Variants in VMP1 observed in about 807,000 individuals in gnomAD.
The protein encoded by VMP1 is vacuole membrane protein 1.
In VMP1, 11 loss-of-function variants were observed where a neutral mutation model predicts 56.0. That is an observed-to-expected ratio of 0.20 (90% CI 0.12 to 0.32). The LOEUF (loss-of-function observed/expected upper bound fraction) is 0.32. Ranked by LOEUF, VMP1 falls within the 10% of genes least tolerant of loss-of-function variation. The pLI is 1.00. For missense variants in VMP1, 296 were observed against 490.3 expected (o/e 0.60, Z 3.74); for synonymous variants, 149 against 165.0 (o/e 0.90, Z 0.74).
intron 7 of VMP1, among the ~76,000 whole-genome samples, chr17:59,802,258 C>T (rs1465342331): frequency 2.0e-5 from 3 of 151,798 alleles, no homozygotes; most frequent in African/African-American, 7.3e-5. Flanking sequence ...CATATACTTA[C>T]ATTGTGTTAC....
intron 8 of VMP1, among the ~76,000 whole-genome samples, chr17:59,809,231 A>C (rs1269274291): frequency 6.6e-6 from 1 of 150,708 alleles, no homozygotes; most frequent in Non-Finnish European, 1.5e-5. Context: ...TCCTGGGCCC[A>C]AGTGATCCAC....
At chr17:59,723,930 C>T (rs2034492056) in intron 1 of VMP1, among the ~76,000 whole-genome samples, 1 of 152,092 alleles carries the variant, frequency 6.6e-6, no homozygotes, top group South Asian at 2.1e-4. Context: ...AAAAATGTAA[C>T]AGGGCTGGAT....
chr17:59,717,105 G>T (rs531538517), intron 1 of VMP1, among the ~76,000 whole-genome samples: 3 of 151,646 alleles, frequency 2.0e-5, no homozygotes, highest in African/African-American at 7.3e-5. Context: ...TCAACCTCCC[G>T]AGTAGCTGGG....
chr17:59,743,727 T>G (rs994076656), intron 5 of VMP1, among the ~76,000 whole-genome samples: 5 of 151,952 alleles, frequency 3.3e-5, no homozygotes, highest in African/African-American at 1.2e-4. Context: ...AACTTGGCTT[T>G]TTTAAGGTTG....
intron 7 of VMP1, among the ~76,000 whole-genome samples, chr17:59,786,263 A>C (rs1041281985): frequency 6.6e-6 from 1 of 152,174 alleles, no homozygotes; most frequent in African/African-American, 2.4e-5. Context: ...TATGTGTTTG[A>C]TCATTTGAGT....
At chr17:59,711,633 C>T (rs2033938172) in intron 1 of VMP1, among the ~76,000 whole-genome samples, 1 of 151,904 alleles carries the variant, frequency 6.6e-6, no homozygotes, top group African/African-American at 2.4e-5. Context: ...TTATGTAGGC[C>T]CTTATATAAA....
chr17:59,782,878 A>G (rs1032343766), intron 7 of VMP1, among the ~76,000 whole-genome samples: 4 of 152,150 alleles, frequency 2.6e-5, no homozygotes, highest in Non-Finnish European at 4.4e-5. Context: ...GTGCTTTCCA[A>G]CTAGGTTAAA....
rs150048841 is a variant in VMP1 at position 59,792,876 on chromosome 17, A to AATT, written c.715-15905_715-15903dup. ...AAAAAATAATAATAATAATAATAAT[A>AATT]ATTATTATTATTATTATCAGATGAG... is the stretch of plus-strand genomic sequence containing the variant. On this transcript the variant is annotated intron_variant, in intron 7 of 11. Transcript: ENST00000262291. Among the ~76,000 whole-genome samples the AATT allele has an allele frequency of 1.9e-4, 15 of 77,156 alleles. 1 individual carries two copies. The highest frequency in any genetic ancestry group is 3.8e-4 in the African/African-American group (12 of 31,664). 50.6% of individuals were successfully genotyped at this position (77,156 alleles called of 152,430 possible).
At chr17:59,826,581 A>G (rs2038652486) in intron 10 of VMP1, among the ~76,000 whole-genome samples, 1 of 152,176 alleles carries the variant, frequency 6.6e-6, no homozygotes, top group Admixed American at 6.5e-5. Context: ...GAAGAAAGGG[A>G]AGGATGTGGG....
intron 7 of VMP1, among the ~76,000 whole-genome samples, chr17:59,789,337 C>G (rs1017796920): frequency 2.0e-5 from 3 of 151,246 alleles, no homozygotes; most frequent in Non-Finnish European, 2.9e-5. Flanking sequence ...GCGGGCGGAA[C>G]CAGTCTGGCC....
intron 10 of VMP1, among the ~76,000 whole-genome samples, chr17:59,823,600 A>G (rs1309694858): frequency 6.6e-6 from 1 of 151,814 alleles, no homozygotes; most frequent in Non-Finnish European, 1.5e-5. Context: ...ATACAAAAAA[A>G]AATTAGCCGG....
intron 7 of VMP1, among the ~76,000 whole-genome samples, chr17:59,777,670 T>C (rs1459500593): frequency 1.3e-5 from 2 of 152,046 alleles, no homozygotes; most frequent in East Asian, 1.9e-4. Flanking sequence ...ACAAATTAGC[T>C]GGGTGTGGTC....
At chr17:59,748,972 T>C (rs1002364104) in intron 5 of VMP1, among the ~76,000 whole-genome samples, 1 of 150,432 alleles carries the variant, frequency 6.6e-6, no homozygotes, top group Non-Finnish European at 1.5e-5. Flanking sequence ...ATCCCAGCAC[T>C]GGAGTGCAGT....
rs149140868 is a variant in VMP1, at chr17:59,811,616, A to T, written c.796-54A>T. 5.6e-4 allele frequency: 766 copies of T among 1,365,262 alleles called. 2 individuals are homozygous for T. In the African/African-American group the frequency reaches 8.6e-3, roughly 15 times the overall value. 84.6% of individuals were successfully genotyped at this position (1,365,262 alleles called of 1,614,324 possible). On this transcript the variant is annotated intron_variant, in intron 8 of 11. Transcript: ENST00000262291. Reference sequence around the variant, plus strand: ...AATACCACATATCAATGGGTGATAAAATTAAATTGTTCTTTGGATTATAAT... The same window carrying T: ...AATACCACATATCAATGGGTGATAATATTAAATTGTTCTTTGGATTATAAT...
chr17:59,720,897 C>T (rs1253936989), intron 1 of VMP1, among the ~76,000 whole-genome samples: 5 of 151,824 alleles, frequency 3.3e-5, no homozygotes, highest in East Asian at 1.9e-4. Context: ...CGCTTGAACC[C>T]GGGAAGCAGA....
intron 7 of VMP1, among the ~76,000 whole-genome samples, chr17:59,788,519 T>C (rs1218012883): frequency 6.6e-6 from 1 of 150,956 alleles, no homozygotes; most frequent in Non-Finnish European, 1.5e-5. Context: ...AAAATAGTTT[T>C]GTGGCTGGGC....
intron 10 of VMP1, among the ~76,000 whole-genome samples, chr17:59,819,464 TTTG>T (rs138781225): frequency 0.014 from 2,199 of 152,204 alleles, 45 homozygotes; most frequent in African/African-American, 0.049. Context: ...TTTGGTTTTT[TTTG>T]TTGTTGTTTT....
At chr17:59,721,757 C>A (rs1282467743) in intron 1 of VMP1, among the ~76,000 whole-genome samples, 1 of 144,848 alleles carries the variant, frequency 6.9e-6, no homozygotes, top group Non-Finnish European at 1.5e-5. Flanking sequence ...AACAATTCTG[C>A]AATCTGGATA....
At chr17:59,726,291 G>T (rs1431223947) in intron 1 of VMP1, among the ~76,000 whole-genome samples, 10 of 145,076 alleles carry the variant, frequency 6.9e-5, no homozygotes, top group African/African-American at 1.0e-4. Flanking sequence ...AGTTTTTTTT[G>T]TTTTTTTTTT....
Sources: gnomAD v4.1 joint callset for allele counts (sites outside exome capture counted in the v4.1 genomes callset) on GRCh38, gnomAD v4.1.1 for gene constraint, MANE v1.5 for transcripts, NCBI Gene and HGNC (gene_info 2026-07-23, HGNC 2026-07-21) for gene names.